Variants in HTR1F observed in about 807,000 individuals in gnomAD.
HTR1F encodes 5-hydroxytryptamine receptor 1F, also known as 5-hydroxytryptamine (serotonin) receptor 1F, G protein-coupled.
In HTR1F, 17 loss-of-function variants were observed where a neutral mutation model predicts 24.0. That is an observed-to-expected ratio of 0.71 (90% CI 0.48 to 1.06). The LOEUF is 1.06. Among genes scored for constraint, HTR1F ranks in the 50% least tolerant of loss-of-function variants. HTR1F has a pLI of 0.00. For missense variants in HTR1F, 391 were observed against 427.8 expected (o/e 0.91, Z 0.76); for synonymous variants, 186 against 156.8 (o/e 1.19, Z -1.39).
At chr3:87,984,292 T>C (rs1168415531) in intron 2 of HTR1F, among the ~76,000 whole-genome samples, 1 of 152,228 alleles carries the variant, frequency 6.6e-6, no homozygotes, top group Non-Finnish European at 1.5e-5. Context: ...AATGCCCTTA[T>C]TGCATTGTAT....
rs201324078 is a variant in HTR1F at position 87,827,607 on chromosome 3, T to TA, written c.-43+5489dup. ...GTTGAGAAATTCTAAAGCCTTTATT[T>TA]AAAAAATCCTTTGAAAAATTAATCA... On this transcript the variant is annotated intron_variant, in intron 2 of 2. Coordinates refer to ENST00000319595, the MANE Select transcript of HTR1F (RefSeq NM_001322209.2). Among the ~76,000 whole-genome samples, 707 of 152,320 alleles carry TA rather than the reference T, an allele frequency of 4.6e-3. 9 individuals are homozygous for TA. Among genetic ancestry groups the TA allele is most frequent in the East Asian group, 0.013 (69 of 5,188 alleles).
At chr3:87,839,003 ATTTAT>A (rs909673515) in intron 2 of HTR1F, among the ~76,000 whole-genome samples, 8 of 142,888 alleles carry the variant, frequency 5.6e-5, no homozygotes, top group East Asian at 4.3e-4. Context: ...CTTTTTATTT[ATTTAT>A]TTTATTTTTA....
In HTR1F at chr3:87,920,104, C is replaced by T. The variant is rs1351034573; in HGVS notation, c.-42-70604C>T. ...AATGAATTAACTGCATTTACAGTGA[C>T]CTGAATGAGGTTGGAGACTATTATT... On this transcript the variant is annotated intron_variant, in intron 2 of 2. Coordinates refer to ENST00000319595, the MANE Select transcript of HTR1F (RefSeq NM_001322209.2). Among the ~76,000 whole-genome samples, 6 of 150,580 alleles carry T rather than the reference C, an allele frequency of 4.0e-5. No homozygotes were observed. In the East Asian group the frequency reaches 7.8e-4, roughly 20 times the overall value.
At chr3:87,881,099 G>T (rs370326369) in intron 2 of HTR1F, among the ~76,000 whole-genome samples, 1 of 152,168 alleles carries the variant, frequency 6.6e-6, no homozygotes, top group Non-Finnish European at 1.5e-5. Context: ...TGCAGCCCAC[G>T]GAGGGTGAGC....
chr3:87,920,814 A>C (rs1032816890), intron 2 of HTR1F, among the ~76,000 whole-genome samples: 2 of 151,966 alleles, frequency 1.3e-5, no homozygotes, highest in African/African-American at 4.8e-5. Flanking sequence ...TCTGTACAAC[A>C]AACCCACATG....
At chr3:87,828,491 C>T (rs9863972) in intron 2 of HTR1F, among the ~76,000 whole-genome samples, 10,271 of 152,184 alleles carry the variant, frequency 0.067, 1,116 homozygotes, top group African/African-American at 0.23. Context: ...AACCTTTGTT[C>T]CCAATGAGCT....
chr3:87,814,542 CT>C (rs1559592323), intron 1 of HTR1F, among the ~76,000 whole-genome samples: 1 of 152,100 alleles, frequency 6.6e-6, no homozygotes, highest in Non-Finnish European at 1.5e-5. Context: ...TCTCCAGCCC[CT>C]GGTAACCAAC....
In HTR1F at chr3:87,991,686, G is replaced by T. The variant is rs1350414832; in HGVS notation, c.937G>T (p.Glu313Ter). ...VICWLPFFVK[E>*]LVVNVCDKCK... Reference sequence around the variant, plus strand: ...ATGTTGGCTTCCTTTTTTTGTAAAAGAATTAGTTGTTAATGTCTGTGACAA... The same window carrying T: ...ATGTTGGCTTCCTTTTTTTGTAAAATAATTAGTTGTTAATGTCTGTGACAA... The change falls in exon 3 of 3, where the codon GAA becomes TAA. Residue 313 changes from glutamate (E) to a stop codon, truncating the protein, a stop_gained. Coordinates refer to ENST00000319595, the MANE Select transcript of HTR1F (RefSeq NM_001322209.2). LOFTEE classifies it high-confidence loss of function. 2 of 1,613,528 alleles carry T rather than the reference G, an allele frequency of 1.2e-6. No homozygotes were observed. Among genetic ancestry groups the T allele is most frequent in the East Asian group, 2.2e-5 (1 of 44,858 alleles).
chr3:87,893,375 A>G (rs1559621571), intron 2 of HTR1F, among the ~76,000 whole-genome samples: 1 of 152,206 alleles, frequency 6.6e-6, no homozygotes, highest in Non-Finnish European at 1.5e-5. Context: ...TTATGTGCTT[A>G]ATTTACAATG....
intron 2 of HTR1F, among the ~76,000 whole-genome samples, chr3:87,871,162 A>G (rs187300167): frequency 6.6e-6 from 1 of 152,158 alleles, no homozygotes; most frequent in East Asian, 1.9e-4. Flanking sequence ...AGAAACCTTA[A>G]AAATCAGGAA....
intron 2 of HTR1F, among the ~76,000 whole-genome samples, chr3:87,927,740 T>C (rs1368012184): frequency 5.9e-5 from 9 of 152,178 alleles, no homozygotes; most frequent in African/African-American, 9.6e-5. Flanking sequence ...ATGCAACACA[T>C]ACTTTTTCAT....
chr3:87,965,418 C>T (rs1236427076), intron 2 of HTR1F, among the ~76,000 whole-genome samples: 1 of 152,072 alleles, frequency 6.6e-6, no homozygotes, highest in Non-Finnish European at 1.5e-5. Context: ...TATTGCAAAA[C>T]TAAATATCAA....
At chr3:87,799,878 A>G (rs1703965669) in intron 1 of HTR1F, among the ~76,000 whole-genome samples, 2 of 151,890 alleles carry the variant, frequency 1.3e-5, no homozygotes, top group South Asian at 4.2e-4. Context: ...TCATAATTAA[A>G]CTCATCTTTC....
At chr3:87,817,548 G>A (rs746108554) in intron 1 of HTR1F, among the ~76,000 whole-genome samples, 7 of 152,036 alleles carry the variant, frequency 4.6e-5, no homozygotes, top group Admixed American at 6.6e-5. Flanking sequence ...TAAAACAGTC[G>A]GGAATACTAC....
chr3:87,937,910 C>T (rs1383130193), intron 2 of HTR1F, among the ~76,000 whole-genome samples: 15 of 138,048 alleles, frequency 1.1e-4, no homozygotes, highest in Admixed American at 2.3e-4. Context: ...GGCAATAGAG[C>T]GAGACTCCAT....
chr3:87,812,879 A>G (rs1704184303), intron 1 of HTR1F, among the ~76,000 whole-genome samples: 1 of 152,368 alleles, frequency 6.6e-6, no homozygotes, highest in South Asian at 2.1e-4. Flanking sequence ...GGTGGCTTCT[A>G]CATGGTGCTG....
intron 2 of HTR1F, among the ~76,000 whole-genome samples, chr3:87,854,919 T>G (rs1274973993): frequency 2.6e-5 from 4 of 151,968 alleles, no homozygotes; most frequent in Non-Finnish European, 4.4e-5. Context: ...TTAAATATTT[T>G]TTGTTGTTGT....
At chr3:87,885,909 G>T (rs1705929388) in intron 2 of HTR1F, among the ~76,000 whole-genome samples, 3 of 152,108 alleles carry the variant, frequency 2.0e-5, no homozygotes, top group South Asian at 4.1e-4. Flanking sequence ...TCTACCAGAG[G>T]TATAAAGGGG....
chr3:87,950,340 T>C (rs1704805645), intron 2 of HTR1F, among the ~76,000 whole-genome samples: 1 of 152,208 alleles, frequency 6.6e-6, no homozygotes. Flanking sequence ...TTTTATCCTC[T>C]CACAAGTTCT....
Sources: allele counts gnomAD v4.1 joint callset (sites outside exome capture counted in the v4.1 genomes callset), GRCh38; gene constraint gnomAD v4.1.1; transcripts MANE v1.5; gene names NCBI Gene and HGNC (gene_info 2026-07-23, HGNC 2026-07-21).